Variants in HBS1L observed in about 807,000 individuals in gnomAD.
The protein encoded by HBS1L is HBS1 like translational GTPase.
HBS1L carries 55 observed loss-of-function variants against 88.9 expected under a neutral mutation model. That is an observed-to-expected ratio of 0.62 (90% confidence interval 0.50 to 0.77). HBS1L has a LOEUF of 0.77. Among genes scored for constraint, HBS1L ranks in the 30% least tolerant of loss-of-function variants. The probability of loss-of-function intolerance (pLI) is 0.00; values close to 1 mark genes in which losing one functional copy is unlikely to be tolerated. For missense variants in HBS1L, 741 were observed against 829.3 expected (o/e 0.89, Z 1.31); for synonymous variants, 267 against 288.5 (o/e 0.93, Z 0.76).
In HBS1L at chr6:134,968,961, T is replaced by C. The variant is rs182524839; in HGVS notation, c.1898+277A>G. Among the ~76,000 whole-genome samples, 436 of 152,300 alleles carry C rather than the reference T, an allele frequency of 2.9e-3. 2 individuals carry two copies. The highest frequency in any genetic ancestry group is 9.5e-3 in the African/African-American group (394 of 41,562). On this transcript the variant is annotated intron_variant, in intron 16 of 17. Coordinates refer to ENST00000367837, the MANE Select transcript of HBS1L (RefSeq NM_006620.4). ...CATAATCAGTATCTATGGCTTGAAA[T>C]GTACATACATATATAAGTTTATATT...
chr6:135,003,423 C>G (rs1239623414), intron 4 of HBS1L, among the ~76,000 whole-genome samples: 1 of 151,936 alleles, frequency 6.6e-6, no homozygotes, highest in African/African-American at 2.4e-5. Flanking sequence ...GGGAATTAGT[C>G]AGGCATGGTG....
At chr6:134,986,341 A>C (rs1181411305) in intron 10 of HBS1L, among the ~76,000 whole-genome samples, 158 bp from the exon 11 acceptor site, 1 of 152,160 alleles carries the variant, frequency 6.6e-6, no homozygotes, top group Non-Finnish European at 1.5e-5. Flanking sequence ...TATCTGATCC[A>C]ATAATTTTCA....
intron 4 of HBS1L, chr6:135,037,144 A>G (rs1206638874): frequency 6.4e-7 from 1 of 1,551,680 alleles, no homozygotes; most frequent in African/African-American, 1.4e-5. Flanking sequence ...ATGAAATGCC[A>G]ATGACGACAG....
At chr6:135,032,464 C>A (rs957203176) in intron 4 of HBS1L, among the ~76,000 whole-genome samples, 1 of 152,088 alleles carries the variant, frequency 6.6e-6, no homozygotes, top group Non-Finnish European at 1.5e-5. Context: ...TAATCCCTCC[C>A]TGTCTAGTCC....
intron 4 of HBS1L, among the ~76,000 whole-genome samples, chr6:135,025,059 G>C (rs1047111390): frequency 6.6e-6 from 1 of 152,100 alleles, no homozygotes; most frequent in Non-Finnish European, 1.5e-5. Flanking sequence ...GTTGAAAAGG[G>C]GGTATCTAAT....
In HBS1L at chr6:134,984,498, G is replaced by GC. The variant is rs1191018671; in HGVS notation, c.1492+842dup. 2.6e-5 allele frequency among the ~76,000 whole-genome samples: 4 copies of GC among 152,268 alleles called. No homozygotes were observed. In the East Asian group the frequency reaches 7.7e-4, roughly 29 times the overall value. On this transcript the variant is annotated intron_variant, in intron 12 of 17. Transcript: ENST00000367837. The stretch of plus-strand genomic sequence containing the variant: ...TACAGAGGGACGCGTCAGGGCATGT[G>GC]CGCAGGTAAGCACGCCGGTTACCAA...
chr6:135,003,608 C>CT (rs1775526736), intron 4 of HBS1L, among the ~76,000 whole-genome samples: 1 of 150,876 alleles, frequency 6.6e-6, no homozygotes, highest in Non-Finnish European at 1.5e-5. Flanking sequence ...TGGCTCATGC[C>CT]TGTAATCCCA....
At position 134,965,196 on chromosome 6, in the gene HBS1L, T is replaced by A; in HGVS notation, c.*83A>T. 9.1e-7 allele frequency: 1 copy of A among 1,096,564 alleles called. No individual in the cohort carries two copies. The highest frequency in any genetic ancestry group is 1.4e-6 in the Non-Finnish European group (1 of 713,848). 67.9% of individuals were successfully genotyped at this position (1,096,564 alleles called of 1,614,324 possible). On this transcript the variant is annotated 3_prime_UTR_variant, in exon 18 of 18. Transcript: ENST00000367837. ...CTAAAAACATATCAATTGCACATTGTTCCTTTGACTTAATAACTGCATTCT... is the reference window on the plus strand; with the variant it reads ...CTAAAAACATATCAATTGCACATTGATCCTTTGACTTAATAACTGCATTCT...
intron 4 of HBS1L, among the ~76,000 whole-genome samples, chr6:135,035,626 C>A: frequency 6.6e-6 from 1 of 151,074 alleles, no homozygotes; most frequent in East Asian, 1.9e-4. Context: ...TGGTGGGCAC[C>A]AGTAGTCCCA....
Position 135,016,745 on chromosome 6 carries a change from T to A in HBS1L, c.431-13903A>T, listed in dbSNP as rs1324775259. Among the ~76,000 whole-genome samples, 1,021 of 152,358 alleles carry A rather than the reference T, an allele frequency of 6.7e-3. 8 individuals carry two copies. The highest frequency in any genetic ancestry group is 0.02 in the African/African-American group (849 of 41,578). ...CAACTAAACTAAGAGTTCCAGAAGT[T>A]TATTTTATGATATATTTTACAATAT... On this transcript the variant is annotated intron_variant, in intron 4 of 17. Coordinates refer to ENST00000367837, the MANE Select transcript of HBS1L (RefSeq NM_006620.4).
rs1453233250 is a variant in HBS1L at position 134,987,715 on chromosome 6, CGT to C, written c.1158_1159del (p.Glu388AlafsTer18). 6.2e-7 allele frequency: 1 copy of C among 1,609,932 alleles called. No individual in the cohort carries two copies. The highest frequency in any genetic ancestry group is 1.7e-5 in the Admixed American group (1 of 59,360). On this transcript the variant is annotated frameshift_variant, in exon 9 of 18. Transcript: ENST00000367837. LOFTEE classifies it high-confidence loss of function. ...AGAACGGACCAAGAGTCCATGCTCTCGTGTTTGTCCTCCAGTCTCAAATCCAG... is the reference window on the plus strand; with the variant it reads ...AGAACGGACCAAGAGTCCATGCTCTCGTTTGTCCTCCAGTCTCAAATCCAG...
chr6:135,007,260 G>A (rs1459528507), intron 4 of HBS1L, among the ~76,000 whole-genome samples: 1 of 152,080 alleles, frequency 6.6e-6, no homozygotes, highest in Non-Finnish European at 1.5e-5. Context: ...GAAAGTAGAG[G>A]GGGAAAGTCT....
intron 4 of HBS1L, among the ~76,000 whole-genome samples, chr6:135,032,320 T>C (rs1776411583): frequency 6.6e-6 from 1 of 150,980 alleles, no homozygotes. Context: ...TCAATGTAGC[T>C]TTTACAAAAT....
At position 135,006,341 on chromosome 6, in the gene HBS1L, G is replaced by A. The variant is rs541957310; in HGVS notation, c.431-3499C>T. On this transcript the variant is annotated intron_variant, in intron 4 of 17. Coordinates refer to ENST00000367837, the MANE Select transcript of HBS1L (RefSeq NM_006620.4). ...CGGGAAATAAGGTAGTCAAAGAACTGAAAATCCAGTGTTGGACTTGGTGGT... is the reference window on the plus strand; with the variant it reads ...CGGGAAATAAGGTAGTCAAAGAACTAAAAATCCAGTGTTGGACTTGGTGGT... Among the ~76,000 whole-genome samples, 17 of 152,290 alleles carry A rather than the reference G, an allele frequency of 1.1e-4. No homozygotes were observed. In the South Asian group the frequency reaches 3.5e-3, roughly 32 times the overall value.
chr6:135,034,365 C>T lies in HBS1L; in HGVS notation c.430+5208G>A, dbSNP rs1776469290. 2.0e-5 allele frequency among the ~76,000 whole-genome samples: 3 copies of T among 152,116 alleles called. 1 individual carries two copies. Among genetic ancestry groups the T allele is most frequent in the African/African-American group, 7.2e-5 (3 of 41,436 alleles). On this transcript the variant is annotated intron_variant, in intron 4 of 17. Transcript: ENST00000367837. Reference sequence around the variant, plus strand: ...ATTTTCATTAAAAAAAATATTTGGCCAGGCGTGGTGGCTCACACTTGTAAT... The same window carrying T: ...ATTTTCATTAAAAAAAATATTTGGCTAGGCGTGGTGGCTCACACTTGTAAT...
At position 134,985,304 on chromosome 6, in the gene HBS1L, G is replaced by C. The variant is rs368678985; in HGVS notation, c.1492+37C>G. The C allele has an allele frequency of 2.2e-6, 3 of 1,371,910 alleles. No individual in the cohort carries two copies. In the South Asian group the frequency reaches 3.8e-5, roughly 17 times the overall value. 85.0% of individuals were successfully genotyped at this position (1,371,910 alleles called of 1,614,324 possible). ...AGGTTAGGAGGGAATGGGGAAAAGG[G>C]GCTATACTGAAGAAGCACTACAAAG... On this transcript the variant is annotated intron_variant, in intron 12 of 17. Coordinates refer to ENST00000367837, the MANE Select transcript of HBS1L (RefSeq NM_006620.4).
intron 12 of HBS1L, chr6:134,983,698 T>C (rs1774897494): frequency 1.3e-5 from 2 of 151,956 alleles, no homozygotes; most frequent in African/African-American, 2.4e-5. Context: ...GTGAAAAGGT[T>C]TGGGTTGGAG....
intron 4 of HBS1L, chr6:135,035,950 C>T (rs1353362286): frequency 3.6e-5 from 20 of 551,878 alleles, no homozygotes; most frequent in Non-Finnish European, 4.6e-5. Context: ...ATTAATCCAA[C>T]TTCTATATTT....
chr6:134,965,270 T>C lies in HBS1L; in HGVS notation c.*9A>G, dbSNP rs767241791. On this transcript the variant is annotated 3_prime_UTR_variant, in exon 18 of 18. Transcript: ENST00000367837. ...CTGTATCCAGAAACGTGGTAGAAATTCTGACCCATCATTCTTTTATCTGTT... is the reference window on the plus strand; with the variant it reads ...CTGTATCCAGAAACGTGGTAGAAATCCTGACCCATCATTCTTTTATCTGTT... 5 of 1,573,092 alleles carry C rather than the reference T, an allele frequency of 3.2e-6. No individual in the cohort carries two copies. Among genetic ancestry groups the C allele is most frequent in the Admixed American group, 3.4e-5 (2 of 58,756 alleles).
Sources: allele counts gnomAD v4.1 joint callset (sites outside exome capture counted in the v4.1 genomes callset), GRCh38; gene constraint gnomAD v4.1.1; transcripts MANE v1.5; gene names NCBI Gene and HGNC (gene_info 2026-07-23, HGNC 2026-07-21).